CSMD1: variants seen among roughly 807,000 people sequenced by gnomAD.
CSMD1 encodes CUB and Sushi multiple domains 1.
Under a neutral mutation model 417.5 loss-of-function variants are expected in CSMD1, and 213 were observed. The observed-to-expected ratio is 0.51, with a 90% CI of 0.46 to 0.57. The LOEUF is 0.57. CSMD1 is among the 20% of genes least tolerant of loss of function. The pLI is 0.00. For synonymous variants in CSMD1, 2,862 were observed against 1,736.8 expected, an observed-to-expected ratio of 1.65 and a Z score of -16.11; for missense variants, 6,923 against 4,529.7, an observed-to-expected ratio of 1.53 and a Z score of -15.17.
At chr8:3,789,166 C>T (rs74617895) in intron 5 of CSMD1, among the ~76,000 whole-genome samples, 7,482 of 152,072 alleles carry the variant, frequency 0.049, 369 homozygotes, top group African/African-American at 0.13. Context: ...GCTTCCTTGA[C>T]CTTTCCACTA....
In CSMD1 at chr8:3,900,753, G is replaced by A. The variant is rs145304871; in HGVS notation, c.818+97150C>T. On this transcript the variant is annotated intron_variant, in intron 5 of 69. Transcript: ENST00000635120. ...CTATAGCTAGCTGCCACCGCAACTGGGTGACAGTACAGCTGGGTGACACTG... is the reference window on the plus strand; with the variant it reads ...CTATAGCTAGCTGCCACCGCAACTGAGTGACAGTACAGCTGGGTGACACTG... Among the ~76,000 whole-genome samples the A allele has an allele frequency of 5.3e-3, 799 of 151,950 alleles. 7 individuals are homozygous for A. Among genetic ancestry groups the A allele is most frequent in the African/African-American group, 0.018 (726 of 41,440 alleles).
intron 6 of CSMD1, among the ~76,000 whole-genome samples, chr8:3,738,548 G>A (rs559128750): frequency 1.3e-5 from 2 of 152,294 alleles, no homozygotes; most frequent in African/African-American, 4.8e-5. Context: ...AAACATGAAT[G>A]CCCTTCCCTT....
chr8:3,056,072 T>C (rs776033801), intron 49 of CSMD1, among the ~76,000 whole-genome samples: 1 of 152,240 alleles, frequency 6.6e-6, no homozygotes, highest in Non-Finnish European at 1.5e-5. Context: ...CATACACACA[T>C]AAAATTTTTA....
intron 1 of CSMD1, chr8:4,787,683 T>A (rs891524707): frequency 1.3e-4 from 211 of 1,590,342 alleles, no homozygotes; most frequent in Non-Finnish European, 1.5e-4. Flanking sequence ...TTTACCCACC[T>A]AAAGTGGAGT....
chr8:3,570,538 G>A (rs1413597289), intron 10 of CSMD1, among the ~76,000 whole-genome samples: 2 of 140,786 alleles, frequency 1.4e-5, no homozygotes, highest in Admixed American at 7.4e-5. Context: ...AGAACTGAGG[G>A]GAAATATTGT....
chr8:3,453,784 T>C (rs1460126984), intron 12 of CSMD1, among the ~76,000 whole-genome samples: 1 of 152,206 alleles, frequency 6.6e-6, no homozygotes, highest in Non-Finnish European at 1.5e-5. Context: ...AGAATATATA[T>C]TCTATTGATT....
At chr8:3,569,878 C>T (rs1799874869) in intron 10 of CSMD1, among the ~76,000 whole-genome samples, 1 of 152,108 alleles carries the variant, frequency 6.6e-6, no homozygotes, top group Admixed American at 6.5e-5. Context: ...TACCTTGTTT[C>T]TTCTCTGAAC....
chr8:3,598,120 A>G (rs28435969), intron 8 of CSMD1, among the ~76,000 whole-genome samples: 16,887 of 152,216 alleles, frequency 0.11, 1,551 homozygotes, highest in African/African-American at 0.24. Context: ...ATAAAATCAT[A>G]TATTTCCTAA....
chr8:3,260,219 T>C (rs936799240), intron 26 of CSMD1, among the ~76,000 whole-genome samples: 3 of 152,198 alleles, frequency 2.0e-5, no homozygotes, highest in Non-Finnish European at 4.4e-5. Flanking sequence ...TTGAACTCTT[T>C]ATGCATATAA....
chr8:4,270,468 G>C (rs114255612), intron 3 of CSMD1, among the ~76,000 whole-genome samples: 218 of 152,186 alleles, frequency 1.4e-3, no homozygotes, highest in African/African-American at 5.1e-3. Flanking sequence ...AAGCCGCAGA[G>C]CTTTTCTTCT....
intron 1 of CSMD1, among the ~76,000 whole-genome samples, chr8:4,664,500 G>C (rs1408632934): frequency 1.3e-5 from 2 of 152,120 alleles, no homozygotes; most frequent in African/African-American, 4.8e-5. Flanking sequence ...GTTCAAGGCT[G>C]CAGTGAGCCG....
intron 12 of CSMD1, among the ~76,000 whole-genome samples, chr8:3,432,769 CT>C (rs1211124373): frequency 1.3e-5 from 2 of 152,126 alleles, no homozygotes; most frequent in Non-Finnish European, 2.9e-5. Context: ...CCACCTTGGC[CT>C]CCCAAAGTCC....
At chr8:4,090,188 G>A (rs1012560388) in intron 3 of CSMD1, among the ~76,000 whole-genome samples, 46 of 152,200 alleles carry the variant, frequency 3.0e-4, no homozygotes, top group African/African-American at 1.1e-3. Context: ...CTCCACTTTT[G>A]ACTACAGTAC....
intron 2 of CSMD1, among the ~76,000 whole-genome samples, chr8:4,454,914 C>G (rs1215577716): frequency 6.6e-6 from 1 of 152,124 alleles, no homozygotes; most frequent in Non-Finnish European, 1.5e-5. Context: ...TGAAGTCTTA[C>G]AAACACATCT....
chr8:4,399,779 T>C (rs1804525911), intron 3 of CSMD1, among the ~76,000 whole-genome samples: 1 of 152,230 alleles, frequency 6.6e-6, no homozygotes, highest in African/African-American at 2.4e-5. Flanking sequence ...CATGTGAGTC[T>C]ATTTCTAAAA....
chr8:4,201,904 G>A (rs1799670966), intron 3 of CSMD1, among the ~76,000 whole-genome samples: 1 of 147,002 alleles, frequency 6.8e-6, no homozygotes, highest in South Asian at 2.2e-4. Context: ...GGGGGGCGCT[G>A]CATTCATTTG....
At chr8:3,824,886 TGA>T (rs1202954822) in intron 5 of CSMD1, among the ~76,000 whole-genome samples, 3 of 152,004 alleles carry the variant, frequency 2.0e-5, no homozygotes, top group African/African-American at 7.3e-5. Flanking sequence ...TTTAATAAAA[TGA>T]GAATTGTAAA....
intron 1 of CSMD1, among the ~76,000 whole-genome samples, chr8:4,705,792 A>G (rs1041080676): frequency 6.6e-6 from 1 of 152,284 alleles, no homozygotes; most frequent in Non-Finnish European, 1.5e-5. Context: ...TCTATCTTAC[A>G]GAGTGTCTAG....
chr8:3,277,548 T>C (rs1392418646), intron 26 of CSMD1, among the ~76,000 whole-genome samples: 1 of 152,110 alleles, frequency 6.6e-6, no homozygotes, highest in Non-Finnish European at 1.5e-5. Context: ...GGTCTAAAAA[T>C]GGCTCCAAAA....
Sources: gnomAD v4.1 joint callset for allele counts (sites outside exome capture counted in the v4.1 genomes callset) on GRCh38, gnomAD v4.1.1 for gene constraint, MANE v1.5 for transcripts, NCBI Gene and HGNC (gene_info 2026-07-23, HGNC 2026-07-21) for gene names.